Variants in WIPI2 observed in about 807,000 individuals in gnomAD.
WIPI2 encodes the protein WD repeat domain phosphoinositide-interacting protein 2.
In WIPI2, 28 loss-of-function variants were observed where a neutral mutation model predicts 52.3. The ratio of observed to expected loss-of-function variants is 0.54; its 90% confidence interval spans 0.40 to 0.73. The LOEUF (loss-of-function observed/expected upper bound fraction) is 0.73, where lower values mean the gene tolerates loss of function less well. Among genes scored for constraint, WIPI2 ranks in the 30% least tolerant of loss-of-function variants. WIPI2 has a pLI of 0.00. For missense variants in WIPI2, 506 were observed against 602.9 expected (o/e 0.84, Z 1.68); for synonymous variants, 268 against 245.0 (o/e 1.09, Z -0.88).
intron 11 of WIPI2, 29 bp from the exon 12 acceptor site, chr7:5,229,579 G>A (rs758643465): frequency 3.7e-6 from 6 of 1,605,334 alleles, no homozygotes; most frequent in East Asian, 2.2e-5. Context: ...GTGTGGAGAC[G>A]CTGAGCTGTG....
chr7:5,194,149 A>G (rs188830545), intron 2 of WIPI2, among the ~76,000 whole-genome samples: 1 of 150,276 alleles, frequency 6.7e-6, no homozygotes, highest in Non-Finnish European at 1.5e-5. Context: ...GAAGGAGAGA[A>G]CTCTGCTTGG....
At chr7:5,210,188 C>T (rs894831536) in intron 3 of WIPI2, among the ~76,000 whole-genome samples, 1 of 152,236 alleles carries the variant, frequency 6.6e-6, no homozygotes, top group Admixed American at 6.5e-5. Flanking sequence ...GGACTCCAGG[C>T]GTGAGCCCCT....
At chr7:5,190,684 C>A (rs1035742745) in intron 1 of WIPI2, 191 bp downstream of exon 1, 6 of 453,840 alleles carry the variant, frequency 1.3e-5, no homozygotes, top group Non-Finnish European at 2.2e-5. Context: ...CCCTCGGGTG[C>A]TGGCCTGGAG....
chr7:5,214,209 A>G (rs1434996387), intron 3 of WIPI2: 2 of 1,235,212 alleles, frequency 1.6e-6, no homozygotes, highest in African/African-American at 3.1e-5. Flanking sequence ...GAGCCCCTAG[A>G]CCTTACTCTT....
intron 9 of WIPI2, 71 bp downstream of exon 9, chr7:5,226,001 A>G: frequency 6.8e-7 from 1 of 1,466,598 alleles, no homozygotes; most frequent in South Asian, 1.2e-5. Context: ...CCGGGATGAG[A>G]GGTAAGCACG....
At chr7:5,193,593 G>C (rs1185033232) in intron 2 of WIPI2, among the ~76,000 whole-genome samples, 1 of 152,194 alleles carries the variant, frequency 6.6e-6, no homozygotes, top group African/African-American at 2.4e-5. Flanking sequence ...TTTTGAGATG[G>C]AGTCTCACTG....
At chr7:5,191,359 C>T (rs1781475929) in intron 1 of WIPI2, among the ~76,000 whole-genome samples, 1 of 152,154 alleles carries the variant, frequency 6.6e-6, no homozygotes, top group Non-Finnish European at 1.5e-5. Context: ...TTGATGTCTT[C>T]TCCAGCAAGT....
intron 2 of WIPI2, among the ~76,000 whole-genome samples, chr7:5,197,139 A>AAAC (rs1781793455): frequency 6.9e-6 from 1 of 145,540 alleles, no homozygotes; most frequent in Non-Finnish European, 1.5e-5. Context: ...AAAAAAAAAA[A>AAAC]AAAAAAACCA....
chr7:5,211,188 G>A (rs933784387), intron 3 of WIPI2, among the ~76,000 whole-genome samples: 3 of 152,178 alleles, frequency 2.0e-5, no homozygotes, highest in African/African-American at 4.8e-5. Flanking sequence ...ATCTTTTCCC[G>A]AGGCTGGGAG....
intron 2 of WIPI2, among the ~76,000 whole-genome samples, chr7:5,196,387 G>A (rs1358326450): frequency 6.6e-6 from 1 of 152,130 alleles, no homozygotes; most frequent in Non-Finnish European, 1.5e-5. Flanking sequence ...CTGATAAAGT[G>A]TACTCATACT....
At chr7:5,217,348 A>G in intron 6 of WIPI2, 161 bp downstream of exon 6, 8 of 740,336 alleles carry the variant, frequency 1.1e-5, no homozygotes, top group Non-Finnish European at 1.6e-5. Context: ...TCTGTCGCCC[A>G]TGCTGGAGTG....
chr7:5,200,776 G>A (rs1326630079), intron 3 of WIPI2, among the ~76,000 whole-genome samples: 3 of 152,156 alleles, frequency 2.0e-5, no homozygotes, highest in African/African-American at 7.2e-5. Flanking sequence ...GAGCCTGCAG[G>A]TGCCCCTCAC....
chr7:5,217,272 C>T (rs770943195), intron 6 of WIPI2, 85 bp downstream of exon 6: 17 of 1,399,656 alleles, frequency 1.2e-5, no homozygotes, highest in Middle Eastern at 2.0e-4. Flanking sequence ...GGCATCCTGA[C>T]TTGGCTCAGC....
intron 9 of WIPI2, chr7:5,226,243 C>T (rs1409263306): frequency 6.3e-6 from 2 of 319,560 alleles, no homozygotes; most frequent in East Asian, 7.0e-5. Context: ...ACGACAAAAG[C>T]GTTTGTGATC....
At position 5,220,785 on chromosome 7, in the gene WIPI2, T is replaced by TTTTC. The variant is rs573638340; in HGVS notation, c.670-1797_670-1794dup. Among the ~76,000 whole-genome samples the TTTTC allele has an allele frequency of 4.2e-3, 631 of 151,726 alleles. 13 individuals are homozygous for TTTTC. The highest frequency in any genetic ancestry group is 2.7e-3 in the East Asian group (14 of 5,114). On this transcript the variant is annotated intron_variant, in intron 7 of 12. Coordinates refer to ENST00000288828, the MANE Select transcript of WIPI2 (RefSeq NM_015610.4). ...GTTACTGCATTCAGCTTAGATAGTCTTTTCTTTCTTTCTTTCTTTCTTTTT... is the reference window on the plus strand; with the variant it reads ...GTTACTGCATTCAGCTTAGATAGTCTTTTCTTTCTTTCTTTCTTTCTTTCTTTTT...
chr7:5,192,798 C>A (rs918606597), intron 1 of WIPI2, among the ~76,000 whole-genome samples: 1 of 152,192 alleles, frequency 6.6e-6, no homozygotes, highest in South Asian at 2.1e-4. Context: ...CCTTCTTAAT[C>A]TCCAGAATTT....
At position 5,232,589 on chromosome 7, in the gene WIPI2, G is replaced by T. The variant is rs559368626; in HGVS notation, c.*1642G>T. The T allele has an allele frequency of 1.2e-5, 4 of 342,920 alleles. No homozygotes were observed. In the South Asian group the frequency reaches 6.1e-4, roughly 53 times the overall value. The allele number at this position is 342,920 out of a possible 1,614,324, so 21.2% of individuals were successfully genotyped here. ...CAGTGGGGACCGCCGAGGCCAGAGT[G>T]GGCTATGCTTGAGCAGGGATGAGAA... On this transcript the variant is annotated 3_prime_UTR_variant, in exon 13 of 13. Transcript: ENST00000288828.
At chr7:5,199,803 G>C (rs1199613830) in intron 3 of WIPI2, 145 bp downstream of exon 3, 2 of 825,454 alleles carry the variant, frequency 2.4e-6, no homozygotes, top group East Asian at 2.7e-5. Flanking sequence ...ATCTCCCCAA[G>C]AGGTGGCAAC....
At chr7:5,222,801 A>T in intron 8 of WIPI2, 129 bp downstream of exon 8, 1 of 884,336 alleles carries the variant, frequency 1.1e-6, no homozygotes, top group East Asian at 2.5e-5. Flanking sequence ...CGGCTGGGTC[A>T]CCGGGTAAGA....
Sources: allele counts gnomAD v4.1 joint callset (sites outside exome capture counted in the v4.1 genomes callset), GRCh38; gene constraint gnomAD v4.1.1; transcripts MANE v1.5; gene names NCBI Gene and HGNC (gene_info 2026-07-23, HGNC 2026-07-21).